Variants in DYNC1LI1 observed in about 807,000 individuals in gnomAD.
DYNC1LI1 encodes dynein cytoplasmic 1 light intermediate chain 1.
In DYNC1LI1, 19 loss-of-function variants were observed where a neutral mutation model predicts 63.8. That is an observed-to-expected ratio of 0.30 (90% CI 0.21 to 0.44). DYNC1LI1 has a LOEUF of 0.44. Among genes scored for constraint, DYNC1LI1 ranks in the 20% least tolerant of loss-of-function variants. The pLI is 1.00. For synonymous variants in DYNC1LI1, 225 were observed against 232.3 expected (o/e 0.97, Z 0.28); for missense variants, 565 against 630.2 (o/e 0.90, Z 1.11).
At chr3:32,544,786 A>G in intron 4 of DYNC1LI1, 90 bp downstream of exon 4, 10 of 917,980 alleles carry the variant, frequency 1.1e-5, no homozygotes, top group Non-Finnish European at 1.3e-5. Flanking sequence ...ACTTCATTAA[A>G]CCTTTTTTAT....
At chr3:32,528,112 CAAAAAAA>C (rs60912161) in intron 12 of DYNC1LI1, among the ~76,000 whole-genome samples, 1,191 of 29,904 alleles carry the variant, frequency 0.04, 43 homozygotes, top group East Asian at 0.36. Flanking sequence ...GACTCCATCT[CAAAAAAA>C]AAAAAAAAAA....
rs2125448762 is a variant in DYNC1LI1 at position 32,570,610 on chromosome 3, A to G, written c.146+15T>C. 1 of 1,557,852 alleles carries G rather than the reference A, an allele frequency of 6.4e-7. No individual in the cohort carries two copies. The highest frequency in any genetic ancestry group is 2.4e-5 in the East Asian group (1 of 41,448). On this transcript the variant is annotated intron_variant, in intron 1 of 12. Transcript: ENST00000273130. ...GGGGAGCCAGCGGGGGCTGAGGGAG[A>G]GGTGGAGTCGTTACCAAAGGTTCTG...
chr3:32,561,034 CAAACAAAAAAA>C (rs1698186549), intron 2 of DYNC1LI1, among the ~76,000 whole-genome samples: 4 of 51,934 alleles, frequency 7.7e-5, no homozygotes, highest in South Asian at 1.3e-3. Context: ...AAAAAAAAAA[CAAACAAAAAAA>C]ACACACACAC....
At chr3:32,565,251 A>T (rs962629865) in intron 2 of DYNC1LI1, among the ~76,000 whole-genome samples, 1 of 152,238 alleles carries the variant, frequency 6.6e-6, no homozygotes, top group African/African-American at 2.4e-5. Context: ...AAGGCTTTGG[A>T]GATCATTAAA....
rs1491266628 is a variant in DYNC1LI1, at chr3:32,530,330, TGA to T, written c.1141-4_1141-3del. 1.3e-6 allele frequency: 2 copies of T among 1,553,694 alleles called. No homozygotes were observed. The highest frequency in any genetic ancestry group is 1.5e-5 in the African/African-American group (1 of 67,010). On this transcript the variant is annotated splice_region_variant and splice_polypyrimidine_tract_variant and intron_variant, in intron 9 of 12. Coordinates refer to ENST00000273130, the MANE Select transcript of DYNC1LI1 (RefSeq NM_016141.4). ...TGGTGGTTGCTTTGCTAAAAGGGAC[TGA>T]AAAAAAAAAAAAAAAAGAATCCTAG...
At chr3:32,559,374 G>A (rs1698159497) in intron 2 of DYNC1LI1, among the ~76,000 whole-genome samples, 3 of 152,060 alleles carry the variant, frequency 2.0e-5, no homozygotes, top group Non-Finnish European at 2.9e-5. Flanking sequence ...CTGAGTAGCT[G>A]ACACTACAGG....
At position 32,570,262 on chromosome 3, in the gene DYNC1LI1, A is replaced by G. The variant is rs1575163175; in HGVS notation, c.220+84T>C. 6 of 1,134,036 alleles carry G rather than the reference A, an allele frequency of 5.3e-6. No homozygotes were observed. The East Asian group carries it at 1.6e-4, about 30-fold the overall frequency. 70.2% of individuals were successfully genotyped at this position (1,134,036 alleles called of 1,614,324 possible). On this transcript the variant is annotated intron_variant, in intron 2 of 12. Transcript: ENST00000273130. Reference sequence around the variant, plus strand: ...GGGGCTGGGCCGGCTGTCCGCACAAAGAGAGCCAGCGAGCTAGCCCGCGGA... The same window carrying G: ...GGGGCTGGGCCGGCTGTCCGCACAAGGAGAGCCAGCGAGCTAGCCCGCGGA...
chr3:32,565,970 T>C (rs984667740), intron 2 of DYNC1LI1, among the ~76,000 whole-genome samples: 5 of 152,156 alleles, frequency 3.3e-5, no homozygotes, highest in South Asian at 2.1e-4. Context: ...GACAATTTAC[T>C]TAACATTTCT....
intron 2 of DYNC1LI1, among the ~76,000 whole-genome samples, chr3:32,560,160 C>G (rs896974667): frequency 1.3e-5 from 2 of 152,186 alleles, no homozygotes; most frequent in African/African-American, 4.8e-5. Flanking sequence ...GAAGGCCAGG[C>G]GTGGTGGCTC....
rs142818123 is a variant in DYNC1LI1 at position 32,545,820 on chromosome 3, C to T, written c.337+29G>A. On this transcript the variant is annotated intron_variant, in intron 3 of 12. Coordinates refer to ENST00000273130, the MANE Select transcript of DYNC1LI1 (RefSeq NM_016141.4). Reference sequence around the variant, plus strand: ...TGGCAGTGCACCTCAAAATAGACTTCAGAAATTTATGTTACAAATGACACT... The same window carrying T: ...TGGCAGTGCACCTCAAAATAGACTTTAGAAATTTATGTTACAAATGACACT... 6.0e-6 allele frequency: 9 copies of T among 1,506,074 alleles called. No individual in the cohort carries two copies. The African/African-American group carries it at 1.1e-4, about 18-fold the overall frequency. 93.3% of individuals were successfully genotyped at this position (1,506,074 alleles called of 1,614,324 possible).
Position 32,545,082 on chromosome 3 carries a change from A to T in DYNC1LI1, c.362T>A (p.Ile121Asn), listed in dbSNP as rs758495327. 6.2e-7 allele frequency: 1 copy of T among 1,613,124 alleles called. No homozygotes were observed. Among genetic ancestry groups the T allele is most frequent in the South Asian group, 1.1e-5 (1 of 91,048 alleles). Residue 121 changes from isoleucine (I) to asparagine (N), a missense_variant, in exon 4 of 13, where the codon ATC becomes AAC. Ile to Asn is a moderately radical substitution (Grantham distance 149). Coordinates refer to ENST00000273130, the MANE Select transcript of DYNC1LI1 (RefSeq NM_016141.4). ...RDDQTRCNVWILDGDLYHKGL... is the reference protein window; with the variant it reads ...RDDQTRCNVWNLDGDLYHKGL... ...TTTGTGATATAGGTCTCCATCTAAG[A>T]TCCAAACATTACATCTTGTTTGATC...
intron 2 of DYNC1LI1, among the ~76,000 whole-genome samples, chr3:32,562,919 C>A (rs940106514): frequency 1.3e-5 from 2 of 152,092 alleles, no homozygotes; most frequent in Non-Finnish European, 2.9e-5. Context: ...CTTTTCTCTG[C>A]GTTTTAGGCC....
chr3:32,557,979 T>C (rs2125443617), intron 2 of DYNC1LI1, among the ~76,000 whole-genome samples: 1 of 152,300 alleles, frequency 6.6e-6, no homozygotes, highest in East Asian at 1.9e-4. Context: ...AATTTGCATG[T>C]TTATATACTA....
chr3:32,545,480 A>G, intron 3 of DYNC1LI1: 1 of 329,534 alleles, frequency 3.0e-6, no homozygotes, highest in Non-Finnish European at 5.5e-6. Flanking sequence ...AGTGATCTAC[A>G]GAAGAAAAAA....
Position 32,528,590 on chromosome 3 carries a change from T to C in DYNC1LI1, c.1318A>G (p.Ser440Gly). 1 of 1,605,670 alleles carries C rather than the reference T, an allele frequency of 6.2e-7. No individual in the cohort carries two copies. Among genetic ancestry groups the C allele is most frequent in the Non-Finnish European group, 8.5e-7 (1 of 1,177,448 alleles). The change falls in exon 12 of 13, where the codon AGT (serine) becomes GGT (glycine). Residue 440 changes from serine (S) to glycine (G), a missense_variant. Ser to Gly is a moderately conservative substitution (Grantham distance 56). Coordinates refer to ENST00000273130, the MANE Select transcript of DYNC1LI1 (RefSeq NM_016141.4). ...IDPNMKAGAT[S>G]EGVLANFFNS... The stretch of plus-strand genomic sequence containing the variant: ...AAGAAATTTGCCAGAACGCCTTCAC[T>C]TGTAGCTCCAGCTATAAAAAAATAA...
At chr3:32,561,300 A>G (rs1698190492) in intron 2 of DYNC1LI1, among the ~76,000 whole-genome samples, 1 of 151,760 alleles carries the variant, frequency 6.6e-6, no homozygotes, top group Non-Finnish European at 1.5e-5. Context: ...AGTATTGGCA[A>G]TGGTGCTAAA....
chr3:32,564,297 GGGCAAGACCCCA>G (rs1698230817), intron 2 of DYNC1LI1, among the ~76,000 whole-genome samples: 5 of 152,306 alleles, frequency 3.3e-5, no homozygotes, highest in African/African-American at 1.2e-4. Flanking sequence ...CTAGGTGACA[GGGCAAGACCCCA>G]TCTCTAAATA....
chr3:32,570,189 C>A, intron 2 of DYNC1LI1, 157 bp downstream of exon 2: 1 of 732,946 alleles, frequency 1.4e-6, no homozygotes, highest in Admixed American at 2.0e-5. Context: ...GTCTCGTGTT[C>A]CCCTTCTCTC....
At chr3:32,537,995 A>C (rs1219101415) in intron 5 of DYNC1LI1, among the ~76,000 whole-genome samples, 1 of 59,614 alleles carries the variant, frequency 1.7e-5, no homozygotes, top group Non-Finnish European at 2.7e-5. Flanking sequence ...ATATATATAT[A>C]ATTTATATAT....
Sources: allele counts gnomAD v4.1 joint callset (sites outside exome capture counted in the v4.1 genomes callset), GRCh38; gene constraint gnomAD v4.1.1; transcripts MANE v1.5; gene names NCBI Gene and HGNC (gene_info 2026-07-23, HGNC 2026-07-21).